NPAS3: variants seen among roughly 807,000 people sequenced by gnomAD.
The protein encoded by NPAS3 is neuronal PAS domain protein 3.
In NPAS3, 14 loss-of-function variants were observed where a neutral mutation model predicts 73.1. The ratio of observed to expected loss-of-function variants is 0.19; its 90% CI spans 0.13 to 0.30. The LOEUF (loss-of-function observed/expected upper bound fraction) is 0.30. NPAS3 is among the 10% of genes least tolerant of loss of function. The pLI, the probability that NPAS3 is intolerant of heterozygous loss-of-function variation, is 1.00. For synonymous variants in NPAS3, 620 were observed against 541.5 expected (o/e 1.14, Z -2.01); for missense variants, 1,096 against 1,250.0 (o/e 0.88, Z 1.86).
At chr14:33,635,071 A>G (rs2058477848) in intron 5 of NPAS3, among the ~76,000 whole-genome samples, 1 of 152,208 alleles carries the variant, frequency 6.6e-6, no homozygotes, top group South Asian at 2.1e-4. Flanking sequence ...CAGCTGGTGG[A>G]GAAAAGCGGG....
chr14:33,061,020 C>G (rs1356500996), intron 2 of NPAS3, among the ~76,000 whole-genome samples: 1 of 152,126 alleles, frequency 6.6e-6, no homozygotes, highest in Non-Finnish European at 1.5e-5. Flanking sequence ...TTAACAAGTT[C>G]CAGGGAAGAG....
chr14:33,558,829 G>C (rs2055491442), intron 4 of NPAS3, among the ~76,000 whole-genome samples: 1 of 145,000 alleles, frequency 6.9e-6, no homozygotes, highest in Non-Finnish European at 1.5e-5. Flanking sequence ...CGGGTTTCCT[G>C]TATTTGCAAA....
At chr14:33,318,662 A>C (rs150304003) in intron 3 of NPAS3, among the ~76,000 whole-genome samples, 1 of 152,254 alleles carries the variant, frequency 6.6e-6, no homozygotes, top group African/African-American at 2.4e-5. Context: ...TATTTACTAC[A>C]ATATTATTTT....
At chr14:33,284,452 T>C (rs1165769789) in intron 3 of NPAS3, among the ~76,000 whole-genome samples, 1 of 151,972 alleles carries the variant, frequency 6.6e-6, no homozygotes, top group Non-Finnish European at 1.5e-5. Context: ...CCAGTATGGG[T>C]AGGAAGCTGT....
intron 2 of NPAS3, among the ~76,000 whole-genome samples, chr14:33,182,525 G>A (rs2139448329): frequency 6.6e-6 from 1 of 152,256 alleles, no homozygotes; most frequent in Admixed American, 6.5e-5. Context: ...TGAAAGTATA[G>A]TTGTATTACT....
At chr14:33,770,759 G>A (rs918157198) in intron 7 of NPAS3, among the ~76,000 whole-genome samples, 5 of 152,092 alleles carry the variant, frequency 3.3e-5, no homozygotes, top group East Asian at 1.9e-4. Flanking sequence ...AATTAGCTGT[G>A]CATGGTGGTG....
intron 2 of NPAS3, among the ~76,000 whole-genome samples, chr14:33,149,788 A>AT (rs2044378181): frequency 6.6e-6 from 1 of 152,126 alleles, no homozygotes; most frequent in Admixed American, 6.6e-5. Flanking sequence ...AGGAATCAGC[A>AT]TTTTTTTATT....
chr14:33,349,756 CT>C (rs1262767957), intron 3 of NPAS3, among the ~76,000 whole-genome samples: 3 of 152,182 alleles, frequency 2.0e-5, no homozygotes, highest in Non-Finnish European at 2.9e-5. Context: ...TGAATTTGTC[CT>C]TTTCCCGTCC....
chr14:33,749,388 C>T (rs953854865), intron 7 of NPAS3, among the ~76,000 whole-genome samples: 4 of 152,110 alleles, frequency 2.6e-5, no homozygotes, highest in African/African-American at 9.7e-5. Context: ...GTTTTAGGGA[C>T]CTGAAATGTT....
chr14:33,747,455 A>G (rs555757056), intron 7 of NPAS3, among the ~76,000 whole-genome samples: 20 of 152,342 alleles, frequency 1.3e-4, no homozygotes, highest in Admixed American at 2.6e-4. Flanking sequence ...GACCAATTTT[A>G]TCTGTCCCAT....
At chr14:33,515,634 C>A (rs2053260868) in intron 4 of NPAS3, among the ~76,000 whole-genome samples, 1 of 152,050 alleles carries the variant, frequency 6.6e-6, no homozygotes, top group Non-Finnish European at 1.5e-5. Flanking sequence ...TGGTCCTTTA[C>A]AGGAAAAGGT....
chr14:33,292,354 T>G (rs567238998), intron 3 of NPAS3, among the ~76,000 whole-genome samples: 1 of 152,294 alleles, frequency 6.6e-6, no homozygotes, highest in East Asian at 1.9e-4. Flanking sequence ...AGATCTGGGC[T>G]CTGTCCTCGA....
intron 9 of NPAS3, among the ~76,000 whole-genome samples, chr14:33,785,175 C>A (rs192730264): frequency 6.6e-6 from 1 of 151,700 alleles, no homozygotes; most frequent in East Asian, 2.0e-4. Flanking sequence ...GTGGCTCATG[C>A]TTGTAATCCC....
chr14:33,769,018 G>A (rs1184790666), intron 7 of NPAS3, among the ~76,000 whole-genome samples: 1 of 152,174 alleles, frequency 6.6e-6, no homozygotes, highest in African/African-American at 2.4e-5. Flanking sequence ...GGGTGCTTAA[G>A]AGCTTTCAGA....
At chr14:33,219,974 C>T (rs544995825) in intron 3 of NPAS3, among the ~76,000 whole-genome samples, 126 of 152,254 alleles carry the variant, frequency 8.3e-4, no homozygotes, top group Admixed American at 1.2e-3. Flanking sequence ...TACCAAGTGA[C>T]ATTCATGCTA....
intron 5 of NPAS3, among the ~76,000 whole-genome samples, chr14:33,567,641 A>G (rs1217524930): frequency 6.6e-6 from 1 of 152,210 alleles, no homozygotes; most frequent in Non-Finnish European, 1.5e-5. Context: ...AGCATTAGAA[A>G]TCGGTAGAAT....
intron 4 of NPAS3, among the ~76,000 whole-genome samples, chr14:33,520,593 GT>G (rs2053513288): frequency 6.6e-6 from 1 of 152,084 alleles, no homozygotes; most frequent in African/African-American, 2.4e-5. Context: ...GCCGTTTTGA[GT>G]TTGTGAATGG....
At chr14:33,227,467 C>T (rs544629088) in intron 3 of NPAS3, among the ~76,000 whole-genome samples, 4 of 152,122 alleles carry the variant, frequency 2.6e-5, no homozygotes, top group African/African-American at 7.2e-5. Context: ...GCTTAAACAA[C>T]ATTTGAAAAA....
intron 7 of NPAS3, among the ~76,000 whole-genome samples, chr14:33,749,700 G>T (rs1049728485): frequency 4.6e-5 from 7 of 151,506 alleles, no homozygotes; most frequent in Non-Finnish European, 8.8e-5. Context: ...AGGACAAAAA[G>T]GTGGCACTGC....
Sources: allele counts gnomAD v4.1 joint callset (sites outside exome capture counted in the v4.1 genomes callset), GRCh38; gene constraint gnomAD v4.1.1; transcripts MANE v1.5; gene names NCBI Gene and HGNC (gene_info 2026-07-23, HGNC 2026-07-21).